ZNF514: variants seen among roughly 807,000 people sequenced by gnomAD.
ZNF514 encodes zinc finger protein 514.
Under a neutral mutation model 9.7 loss-of-function variants are expected in ZNF514, and 12 were observed. That is an observed-to-expected ratio of 1.24 (90% CI 0.79 to 2.01). The LOEUF is 2.01. Ranked by LOEUF, ZNF514 falls within the 30% of genes most tolerant of loss-of-function variation. The probability of loss-of-function intolerance (pLI) is 0.00; values close to 1 mark genes in which losing one functional copy is unlikely to be tolerated. For missense variants in ZNF514, 467 were observed against 465.5 expected (o/e 1.00, Z -0.03); for synonymous variants, 158 against 163.7 (o/e 0.97, Z 0.27).
intron 3 of ZNF514, among the ~76,000 whole-genome samples, 162 bp downstream of exon 3, chr2:95,152,971 T>C (rs1673585065): frequency 6.6e-6 from 1 of 152,164 alleles, no homozygotes; most frequent in South Asian, 2.1e-4. Context: ...GGAACAGAAA[T>C]ACTGTATCAC....
chr2:95,131,030 T>C, the ZNF514 span, among the ~76,000 whole-genome samples: 5 of 152,230 alleles, frequency 3.3e-5, no homozygotes, highest in Admixed American at 3.3e-4. Context: ...ATCTTCACAA[T>C]TCACGTTCTT....
chr2:95,144,300 G>A (rs180882162), downstream of ZNF514, among the ~76,000 whole-genome samples: 2 of 152,340 alleles, frequency 1.3e-5, no homozygotes, highest in East Asian at 1.9e-4. Context: ...TAGCAGGATG[G>A]TTGCTGGTCA....
At chr2:95,150,353 G>A in intron 4 of ZNF514, 86 bp from the exon 5 acceptor site, 1 of 1,377,228 alleles carries the variant, frequency 7.3e-7, no homozygotes, top group Non-Finnish European at 9.6e-7. Context: ...TATAATGAAT[G>A]TGAAATAATT....
intron 2 of ZNF514, chr2:95,155,600 C>T (rs1038825252): frequency 6.6e-6 from 1 of 152,224 alleles, no homozygotes; most frequent in Admixed American, 6.5e-5. Context: ...CTGGATGCAG[C>T]TCTTGGGTTA....
chr2:95,158,648 G>T (rs1673752598), intron 1 of ZNF514, among the ~76,000 whole-genome samples: 1 of 152,182 alleles, frequency 6.6e-6, no homozygotes, highest in East Asian at 1.9e-4. Context: ...CTCCCTCTTG[G>T]GTTTGCTTGC....
chr2:95,153,130 C>T lies in ZNF514; in HGVS notation c.121+3G>A. On this transcript the variant is annotated splice_donor_region_variant and intron_variant, in intron 3 of 4. Coordinates refer to ENST00000295208, the MANE Select transcript of ZNF514 (RefSeq NM_032788.3). Reference sequence around the variant, plus strand: ...GGGTGGGCTTTGGAGGGCTTGTGCTCACCCAGAATGGCCAAGTTCCTGAAG... The same window carrying T: ...GGGTGGGCTTTGGAGGGCTTGTGCTTACCCAGAATGGCCAAGTTCCTGAAG... 1 of 1,611,364 alleles carries T rather than the reference C, an allele frequency of 6.2e-7. No homozygotes were observed.
chr2:95,149,550 C>A lies in ZNF514; in HGVS notation c.935G>T (p.Gly312Val). ...SLIKHQRTHT[G>V]EKPYECRECG... ...TTCCCGGCATTCATAGGGCTTTTCTCCAGTATGAGTCCTCTGATGCTTAAT... is the reference window on the plus strand; with the variant it reads ...TTCCCGGCATTCATAGGGCTTTTCTACAGTATGAGTCCTCTGATGCTTAAT... Residue 312 changes from glycine to valine, a missense_variant, in exon 5 of 5, where the codon GGA (glycine) becomes GTA (valine). By Grantham distance (109) the Gly-to-Val change is moderately radical. Transcript: ENST00000295208. 6.2e-7 allele frequency: 1 copy of A among 1,614,064 alleles called. No homozygotes were observed. Among genetic ancestry groups the A allele is most frequent in the Non-Finnish European group, 8.5e-7 (1 of 1,179,980 alleles).
rs1673380009 is a variant in ZNF514, at chr2:95,147,128, C to A, written c.*2154G>T. ...AAGTATCCTTTGGTCTACGCCAGCT[C>A]CTGGTCTAGGCTTCTCCACCTGAGT... On this transcript the variant is annotated 3_prime_UTR_variant, in exon 5 of 5. Coordinates refer to ENST00000295208, the MANE Select transcript of ZNF514 (RefSeq NM_032788.3). Among the ~76,000 whole-genome samples, 1 of 152,170 alleles carries A rather than the reference C, an allele frequency of 6.6e-6. No homozygotes were observed. The highest frequency in any genetic ancestry group is 2.4e-5 in the African/African-American group (1 of 41,442).
the ZNF514 span, among the ~76,000 whole-genome samples, chr2:95,133,776 T>C: frequency 6.6e-6 from 1 of 152,228 alleles, no homozygotes; most frequent in Non-Finnish European, 1.5e-5. Flanking sequence ...AATACTATTA[T>C]ATGTCATTTT....
intron 1 of ZNF514, chr2:95,158,733 C>T: frequency 9.6e-7 from 1 of 1,037,316 alleles, no homozygotes; most frequent in Non-Finnish European, 1.2e-6. Context: ...TTTTCCATGG[C>T]CATCCCCTCC....
intron 1 of ZNF514, chr2:95,158,891 G>A (rs1360473802): frequency 1.6e-6 from 2 of 1,289,814 alleles, no homozygotes; most frequent in East Asian, 1.1e-4. Context: ...CTCTTCCTGG[G>A]GTCCTCCTGA....
the ZNF514 span, among the ~76,000 whole-genome samples, chr2:95,138,317 GGGAA>G: frequency 6.6e-6 from 1 of 152,178 alleles, no homozygotes; most frequent in Non-Finnish European, 1.5e-5. Flanking sequence ...AAGATGATGA[GGGAA>G]AGTTTGGAAC....
chr2:95,139,940 G>A, the ZNF514 span, among the ~76,000 whole-genome samples: 1 of 152,066 alleles, frequency 6.6e-6, no homozygotes, highest in Admixed American at 6.6e-5. Context: ...AAGTATGTTG[G>A]GGAGGCAGCC....
chr2:95,127,597 TTTTG>T, the ZNF514 span, among the ~76,000 whole-genome samples: 29 of 152,052 alleles, frequency 1.9e-4, no homozygotes, highest in Admixed American at 5.2e-4. Context: ...TTGTTTTTGT[TTTTG>T]TTTTTTTGTT....
At position 95,149,345 on chromosome 2, in the gene ZNF514, G is replaced by C. The variant is rs775120238; in HGVS notation, c.1140C>G (p.Ala380=). ...KPYKCNECGR[A]FAHTASLIKH... is the part of the protein sequence containing the mutation. ...TAATAAGGGATGCAGTATGAGCAAAGGCCCTTCCACACTCATTACATTTGT... is the reference window on the plus strand; with the variant it reads ...TAATAAGGGATGCAGTATGAGCAAACGCCCTTCCACACTCATTACATTTGT... Residue 380 remains alanine (A), a synonymous_variant, in exon 5 of 5, where the codon GCC becomes GCG. Transcript: ENST00000295208. The C allele has an allele frequency of 6.8e-6, 11 of 1,612,382 alleles. No homozygotes were observed. The highest frequency in any genetic ancestry group is 8.5e-6 in the Non-Finnish European group (10 of 1,178,780).
rs1281921716 is a variant in ZNF514, at chr2:95,159,007, C to T, written c.-96+233G>A. 2.3e-6 allele frequency: 3 copies of T among 1,279,552 alleles called. No homozygotes were observed. The East Asian group carries it at 1.7e-4, about 72-fold the overall frequency. 79.3% of individuals were successfully genotyped at this position (1,279,552 alleles called of 1,614,324 possible). On this transcript the variant is annotated intron_variant, in intron 1 of 4. Coordinates refer to ENST00000295208, the MANE Select transcript of ZNF514 (RefSeq NM_032788.3). ...ATAGCTGGGGCTAAGGAGCGGCGTC[C>T]TTTCACTAGGTCCAAATCTCTGTCT...
rs1013334870 is a variant in ZNF514 at position 95,146,700 on chromosome 2, T to C, written c.*2582A>G. On this transcript the variant is annotated 3_prime_UTR_variant, in exon 5 of 5. Transcript: ENST00000295208. ...GGTTCAAACTGGTAAGTATGGTTAA[T>C]ATGGCAAGGATACATGAGAAGAGGA... 1.3e-5 allele frequency among the ~76,000 whole-genome samples: 2 copies of C among 150,590 alleles called. No individual in the cohort carries two copies. Among genetic ancestry groups the C allele is most frequent in the African/African-American group, 4.9e-5 (2 of 40,832 alleles).
In ZNF514 at chr2:95,147,504, G is replaced by T. The variant is rs13421782; in HGVS notation, c.*1778C>A. ...TCCTTGTAACATTTGCAGTTACTTT[G>T]TTTCTGAAGATCTGCCATTTCTGGA... On this transcript the variant is annotated 3_prime_UTR_variant, in exon 5 of 5. Transcript: ENST00000295208. The T allele has an allele frequency of 6.6e-6, 1 of 152,102 alleles. No individual in the cohort carries two copies. Among genetic ancestry groups the T allele is most frequent in the Non-Finnish European group, 1.5e-5 (1 of 68,010 alleles). The allele number at this position is 152,102 out of a possible 1,614,324, so 9.4% of individuals were successfully genotyped here. A position where few individuals can be genotyped will look rare whatever the true frequency, so the allele number is the denominator to read the frequency against.
In ZNF514 at chr2:95,149,747, G is replaced by C. The variant is rs1174974115; in HGVS notation, c.738C>G (p.Ser246=). The change falls in exon 5 of 5, where the codon TCC becomes TCG. Residue 246 remains serine (S), a synonymous_variant. Transcript: ENST00000295208. ...DCGRAFGHIS[S]LIKHQRTHTG... ...TATGAGTTCTTTGATGTTTAATAAG[G>C]GATGAAATATGACCAAAGGCTCTTC... 6.2e-7 allele frequency: 1 copy of C among 1,614,018 alleles called. No homozygotes were observed. Among genetic ancestry groups the C allele is most frequent in the South Asian group, 1.1e-5 (1 of 91,086 alleles).
Sources: allele counts gnomAD v4.1 joint callset (sites outside exome capture counted in the v4.1 genomes callset), GRCh38; gene constraint gnomAD v4.1.1; transcripts MANE v1.5; gene names NCBI Gene and HGNC (gene_info 2026-07-23, HGNC 2026-07-21).